HSPA12A: variants seen among roughly 807,000 people sequenced by gnomAD.
The protein encoded by HSPA12A is heat shock protein family A (Hsp70) member 12A, also known as heat shock 70 kDa protein 12A.
In HSPA12A, 28 loss-of-function variants were observed where a neutral mutation model predicts 69.2. That is an observed-to-expected ratio of 0.40 (90% CI 0.30 to 0.55). The LOEUF is 0.55. Ranked by LOEUF, HSPA12A falls within the 20% of genes least tolerant of loss-of-function variation. HSPA12A has a pLI of 0.38. For synonymous variants in HSPA12A, 345 were observed against 370.5 expected, an observed-to-expected ratio of 0.93 and a Z score of 0.79; for missense variants, 686 against 900.7, an observed-to-expected ratio of 0.76 and a Z score of 3.05.
upstream of HSPA12A, among the ~76,000 whole-genome samples, chr10:116,742,974 G>A (rs1554887489): frequency 6.6e-6 from 1 of 152,144 alleles, no homozygotes; most frequent in Non-Finnish European, 1.5e-5. Flanking sequence ...GAGGACGCCC[G>A]CGCCAGTCCC....
rs797036033 is a variant in HSPA12A, at chr10:116,675,487, C to T, written c.1391-69G>A. 6.8e-7 allele frequency: 1 copy of T among 1,470,712 alleles called. No homozygotes were observed. Among genetic ancestry groups the T allele is most frequent in the South Asian group, 1.4e-5 (1 of 72,470 alleles). 91.1% of individuals were successfully genotyped at this position (1,470,712 alleles called of 1,614,324 possible). The stretch of plus-strand genomic sequence containing the variant: ...AGCAAGGAAGGGGGAACTGGGCTGC[C>T]TGCATCTGTGGGGAACGGATAAAGC... On this transcript the variant is annotated intron_variant, in intron 11 of 11. Transcript: ENST00000369209. The surrounding 1 kb of genome is among the most constrained non-coding windows in gnomAD (Gnocchi z 5.2).
At chr10:116,800,854 T>C (rs945048951) in intron 2 of HSPA12A, among the ~76,000 whole-genome samples, 2 of 152,194 alleles carry the variant, frequency 1.3e-5, no homozygotes, top group African/African-American at 2.4e-5. Context: ...AGTTGCAGCC[T>C]TGAAGCCTTG....
At chr10:116,839,831 T>C (rs1845776768) in intron 1 of HSPA12A, among the ~76,000 whole-genome samples, 1 of 152,082 alleles carries the variant, frequency 6.6e-6, no homozygotes, top group Non-Finnish European at 1.5e-5. Flanking sequence ...AGCTGAGCCT[T>C]AACCCCAGAG....
chr10:116,679,630 C>G lies in HSPA12A; in HGVS notation c.1159G>C (p.Glu387Gln), dbSNP rs1554878289. The change falls in exon 10 of 12, where the codon GAG becomes CAG. Residue 387 changes from glutamate to glutamine, a missense_variant. By Grantham distance (29) the Glu-to-Gln change is conservative (BLOSUM62 2). Coordinates refer to ENST00000369209, the MANE Select transcript of HSPA12A (RefSeq NM_025015.3). ...AAWVDLMIAF[E>Q]SRKRAAAPDR... is the part of the protein sequence containing the mutation. The stretch of plus-strand genomic sequence containing the variant: ...GGGGCAGCCGCCCTTTTGCGAGACT[C>G]AAACGCAATCATTAAGTCAACCCAG... 1 of 1,614,234 alleles carries G rather than the reference C, an allele frequency of 6.2e-7. No homozygotes were observed. Among genetic ancestry groups the G allele is most frequent in the Non-Finnish European group, 8.5e-7 (1 of 1,180,042 alleles).
At chr10:116,790,265 G>A (rs375852291) in intron 2 of HSPA12A, among the ~76,000 whole-genome samples, 1 of 151,360 alleles carries the variant, frequency 6.6e-6, no homozygotes, top group South Asian at 2.1e-4. Flanking sequence ...CACCTCACCC[G>A]GCTAATTTTT....
At chr10:116,774,121 T>C (rs1844278121) in intron 2 of HSPA12A, among the ~76,000 whole-genome samples, 1 of 151,610 alleles carries the variant, frequency 6.6e-6, no homozygotes, top group Non-Finnish European at 1.5e-5. Flanking sequence ...GCCATTCTCC[T>C]GCCTCAGCCT....
chr10:116,677,792 G>T (rs547792661), intron 10 of HSPA12A, among the ~76,000 whole-genome samples: 5 of 152,294 alleles, frequency 3.3e-5, no homozygotes, highest in Non-Finnish European at 7.4e-5. Context: ...ATGTCAAAGG[G>T]ATTCAGAGCC....
At position 116,696,002 on chromosome 10, in the gene HSPA12A, C is replaced by CAAAAA. The variant is rs71013609; in HGVS notation, c.546+2628_546+2632dup. 4.3e-4 allele frequency among the ~76,000 whole-genome samples: 14 copies of CAAAAA among 32,720 alleles called. 2 individuals are homozygous for CAAAAA. Among genetic ancestry groups the CAAAAA allele is most frequent in the East Asian group, 2.8e-3 (3 of 1,068 alleles). The allele number at this position is 32,720 out of a possible 152,430, so 21.5% of individuals were successfully genotyped here. On this transcript the variant is annotated intron_variant, in intron 5 of 11. Transcript: ENST00000369209. ...TGGGCAACAGAGAGAGACTCCATCT[C>CAAAAA]AAAAAAAAAAAAAAAAAAAAAGGCT...
intron 2 of HSPA12A, among the ~76,000 whole-genome samples, chr10:116,777,719 T>C (rs184962703): frequency 2.2e-4 from 34 of 152,278 alleles, no homozygotes; most frequent in Admixed American, 3.9e-4. Flanking sequence ...CAAAAACAAT[T>C]AGAAAATGCT....
intron 1 of HSPA12A, among the ~76,000 whole-genome samples, chr10:116,708,558 G>T (rs1407355602): frequency 6.6e-6 from 1 of 152,170 alleles, no homozygotes; most frequent in Admixed American, 6.5e-5. Context: ...CTGTAGGAAT[G>T]AAATGAATCA....
At chr10:116,734,829 T>C (rs1476075429) in intron 1 of HSPA12A, among the ~76,000 whole-genome samples, 2 of 151,790 alleles carry the variant, frequency 1.3e-5, no homozygotes, top group Non-Finnish European at 2.9e-5. Flanking sequence ...CTGCCTCTAC[T>C]AAAAATACAA....
chr10:116,682,656 G>C (rs1271192014), intron 7 of HSPA12A, among the ~76,000 whole-genome samples: 6 of 152,122 alleles, frequency 3.9e-5, no homozygotes, highest in African/African-American at 1.4e-4. Flanking sequence ...CCCTATGTTC[G>C]GAGAAGGAAA....
At chr10:116,799,215 A>G (rs1429633969) in intron 2 of HSPA12A, among the ~76,000 whole-genome samples, 1 of 152,150 alleles carries the variant, frequency 6.6e-6, no homozygotes, top group Non-Finnish European at 1.5e-5. Flanking sequence ...TACCCCTCAC[A>G]GAGCCACGTA....
rs1438578406 is a variant in HSPA12A, at chr10:116,723,322, C to T, written c.41-16037G>A. 6.6e-6 allele frequency among the ~76,000 whole-genome samples: 1 copy of T among 152,138 alleles called. No individual in the cohort carries two copies. The highest frequency in any genetic ancestry group is 1.5e-5 in the Non-Finnish European group (1 of 68,016). On this transcript the variant is annotated intron_variant, in intron 1 of 11. Transcript: ENST00000369209. The surrounding 1 kb of genome is among the most constrained non-coding windows in gnomAD (Gnocchi z 4.1). ...GCCTGGCTTGTGCACTGGCTGTCTG[C>T]AGGGAGAGAGGGGCCCGCTGACCTT...
intron 5 of HSPA12A, among the ~76,000 whole-genome samples, chr10:116,694,388 C>T (rs1849822570): frequency 6.6e-6 from 1 of 152,176 alleles, no homozygotes; most frequent in Non-Finnish European, 1.5e-5. Flanking sequence ...AGCTTTTTCT[C>T]CTGGAATTTA....
At chr10:116,682,808 C>G (rs1050193353) in intron 7 of HSPA12A, among the ~76,000 whole-genome samples, 15 of 152,008 alleles carry the variant, frequency 9.9e-5, no homozygotes, top group African/African-American at 3.6e-4. Context: ...TCACGCCATT[C>G]TCCTGCCTCA....
intron 2 of HSPA12A, among the ~76,000 whole-genome samples, chr10:116,826,704 T>C (rs1006718371): frequency 5.3e-5 from 8 of 152,240 alleles, no homozygotes; most frequent in Admixed American, 1.3e-4. Context: ...CCCCAGTTAA[T>C]GTGTAGCCTT....
chr10:116,692,605 A>G (rs1271080723), intron 5 of HSPA12A, 138 bp from the exon 6 acceptor site: 2 of 673,234 alleles, frequency 3.0e-6, no homozygotes, highest in Middle Eastern at 2.9e-4. Context: ...ACTTACCAGC[A>G]TCAGAGAGCA....
At chr10:116,702,409 G>A (rs1476817448) in intron 3 of HSPA12A, among the ~76,000 whole-genome samples, 9 of 152,110 alleles carry the variant, frequency 5.9e-5, no homozygotes, top group African/African-American at 9.7e-5. Context: ...AGCTGATCCC[G>A]GACCTGCTCC....
Sources: allele counts gnomAD v4.1 joint callset (sites outside exome capture counted in the v4.1 genomes callset), GRCh38; gene constraint gnomAD v4.1.1; non-coding constraint Gnocchi (gnomAD v3.1); transcripts MANE v1.5; gene names NCBI Gene and HGNC (gene_info 2026-07-23, HGNC 2026-07-21).